GSTM4: variants seen among roughly 807,000 people sequenced by gnomAD.
GSTM4 encodes the protein glutathione S-transferase mu 4.
In GSTM4, 27 loss-of-function variants were observed where a neutral mutation model predicts 30.1. The observed-to-expected ratio is 0.90, with a 90% CI of 0.66 to 1.24. The LOEUF is 1.24. Ranked by LOEUF, GSTM4 falls within the 50% of genes most tolerant of loss-of-function variation. The pLI is 0.00. For missense variants in GSTM4, 238 were observed against 272.1 expected (o/e 0.87, Z 0.88); for synonymous variants, 94 against 96.2 (o/e 0.98, Z 0.13).
chr1:109,661,401 G>T lies in GSTM4; in HGVS notation c.*147G>T. ...CCATCTTTACCCCCAAGACTTTATT[G>T]GGCCTCTTCACTTCCCCTAAACCCC... On this transcript the variant is annotated 3_prime_UTR_variant, in exon 8 of 8. Coordinates refer to ENST00000369836, the MANE Select transcript of GSTM4 (RefSeq NM_000850.5). 1 of 1,519,650 alleles carries T rather than the reference G, an allele frequency of 6.6e-7. No homozygotes were observed. The highest frequency in any genetic ancestry group is 8.8e-7 in the Non-Finnish European group (1 of 1,132,254). The allele number at this position is 1,519,650 out of a possible 1,614,324, so 94.1% of individuals were successfully genotyped here.
At position 109,656,383 on chromosome 1, in the gene GSTM4, C is replaced by T; in HGVS notation, c.-7C>T. ...GCCTGTCTGCAGAATCGACACCAACCAGCATCATGTCCATGACACTGGGGT... is the reference window on the plus strand; with the variant it reads ...GCCTGTCTGCAGAATCGACACCAACTAGCATCATGTCCATGACACTGGGGT... On this transcript the variant is annotated 5_prime_UTR_variant, in exon 1 of 8. Coordinates refer to ENST00000369836, the MANE Select transcript of GSTM4 (RefSeq NM_000850.5). The T allele has an allele frequency of 2.5e-6, 4 of 1,613,840 alleles. No homozygotes were observed. Among genetic ancestry groups the T allele is most frequent in the Non-Finnish European group, 3.4e-6 (4 of 1,179,776 alleles).
downstream of GSTM4, among the ~76,000 whole-genome samples, chr1:109,666,384 G>A (rs1485778938): frequency 2.6e-5 from 4 of 152,346 alleles, no homozygotes; most frequent in Non-Finnish European, 5.9e-5. Context: ...ACCCACTCTG[G>A]TGCTGGGCTC....
chr1:109,658,524 C>T (rs1570617856), intron 5 of GSTM4: 1 of 423,030 alleles, frequency 2.4e-6, no homozygotes, highest in East Asian at 4.2e-5. Flanking sequence ...CCAGAGCCTG[C>T]CAGGTACTCA....
rs17081030 is a variant in GSTM4 at position 109,657,641 on chromosome 1, C to A, written c.229C>A (p.Leu77Met). ...CAAGATCACCCAGAGCAACGCCATC[C>A]TGTGCTACATTGCCCGCAAGCACAA... The part of the protein sequence containing the change: ...AHKITQSNAI[L>M]CYIARKHNLC... The change falls in exon 4 of 8, where the codon CTG becomes ATG. Residue 77 changes from leucine to methionine, a missense_variant. Transcript: ENST00000369836. 1 of 1,614,224 alleles carries A rather than the reference C, an allele frequency of 6.2e-7. No homozygotes were observed. The highest frequency in any genetic ancestry group is 1.3e-5 in the African/African-American group (1 of 75,048).
intron 1 of GSTM4, 72 bp downstream of exon 1, chr1:109,656,497 C>G: frequency 6.5e-7 from 1 of 1,540,956 alleles, no homozygotes; most frequent in South Asian, 1.1e-5. Context: ...GGGACCGGCT[C>G]TAGGGACGGT....
chr1:109,656,235 C>G lies in GSTM4; in HGVS notation c.-155C>G. The G allele has an allele frequency of 3.9e-6, 3 of 764,394 alleles. No individual in the cohort carries two copies. Among genetic ancestry groups the G allele is most frequent in the Admixed American group, 2.0e-5 (1 of 50,178 alleles). 47.4% of individuals were successfully genotyped at this position (764,394 alleles called of 1,614,324 possible). ...GGAAGTGACGACCTTGAAGATCGGC[C>G]GGTTGGAAGTGACGACCTTGAAGAT... On this transcript the variant is annotated 5_prime_UTR_variant, in exon 1 of 8. Transcript: ENST00000369836.
At chr1:109,656,601 GGT>G in intron 1 of GSTM4, 109 bp from the exon 2 acceptor site, 7 of 720,702 alleles carry the variant, frequency 9.7e-6, no homozygotes, top group East Asian at 3.1e-5. Context: ...CGTGCGCCGG[GGT>G]GGGGGGGGGG....
At position 109,656,768 on chromosome 1, in the gene GSTM4, G is replaced by T; in HGVS notation, c.93G>T (p.Lys31Asn). 2 of 1,614,068 alleles carry T rather than the reference G, an allele frequency of 1.2e-6. No individual in the cohort carries two copies. The highest frequency in any genetic ancestry group is 1.3e-5 in the African/African-American group (1 of 75,022). Residue 31 changes from lysine (K) to asparagine (N), a missense_variant, in exon 2 of 8, where the codon AAG (lysine) becomes AAT (asparagine). By Grantham distance (94) the Lys-to-Asn change is moderately conservative (BLOSUM62 0). Transcript: ENST00000369836. ...ACACAGACTCAAGCTACGAGGAAAA[G>T]AAGTATACGATGGGGGACGGTAATG... ...LEYTDSSYEE[K>N]KYTMGDAPDY...
chr1:109,663,721 C>T (rs1652380503), downstream of GSTM4, among the ~76,000 whole-genome samples: 1 of 152,120 alleles, frequency 6.6e-6, no homozygotes, highest in Admixed American at 6.6e-5. Flanking sequence ...GTGTATTACA[C>T]TTCAATGAAA....
chr1:109,657,210 G>C lies in GSTM4; in HGVS notation c.113-5G>C, dbSNP rs527878414. On this transcript the variant is annotated splice_polypyrimidine_tract_variant and splice_region_variant and intron_variant, in intron 2 of 7. Transcript: ENST00000369836. The stretch of plus-strand genomic sequence containing the variant: ...TTTGTTTTCACTTCTTCTTCCCCAC[G>C]GCAGCTCCTGACTATGACAGAAGCC... 28 of 1,612,406 alleles carry C rather than the reference G, an allele frequency of 1.7e-5. No individual in the cohort carries two copies. Among genetic ancestry groups the C allele is most frequent in the South Asian group, 6.6e-5 (6 of 91,004 alleles).
At position 109,660,784 on chromosome 1, in the gene GSTM4, C is replaced by A. The variant is rs1158126536; in HGVS notation, c.568-381C>A. 7 of 262,098 alleles carry A rather than the reference C, an allele frequency of 2.7e-5. No individual in the cohort carries two copies. The Admixed American group carries it at 2.9e-4, about 11-fold the overall frequency. 16.2% of individuals were successfully genotyped at this position (262,098 alleles called of 1,614,324 possible). On this transcript the variant is annotated intron_variant, in intron 7 of 7. Transcript: ENST00000369836. ...CAGTCTACGTTGCAGCTCTGTCCCCCTTAGTAGCTATTTGAGTGTGAGGAA... is the reference window on the plus strand; with the variant it reads ...CAGTCTACGTTGCAGCTCTGTCCCCATTAGTAGCTATTTGAGTGTGAGGAA...
intron 7 of GSTM4, chr1:109,659,724 T>A (rs980156004): frequency 9.6e-5 from 40 of 417,280 alleles, no homozygotes; most frequent in African/African-American, 7.1e-4. Context: ...AAGGAGTGTA[T>A]GTTGAAGTGC....
intron 7 of GSTM4, chr1:109,659,753 C>G: frequency 2.1e-6 from 1 of 470,484 alleles, no homozygotes; most frequent in Non-Finnish European, 4.1e-6. Flanking sequence ...GGGGCACTCT[C>G]CTTCTTTATC....
At chr1:109,667,237 G>A (rs1647359904), downstream of GSTM4, among the ~76,000 whole-genome samples, 1 of 150,702 alleles carries the variant, frequency 6.6e-6, no homozygotes, top group African/African-American at 2.4e-5. Flanking sequence ...ATGTAGTTAA[G>A]GTAAGTCCTT....
chr1:109,663,439 G>A (rs1486107062), downstream of GSTM4, among the ~76,000 whole-genome samples: 8 of 152,144 alleles, frequency 5.3e-5, no homozygotes, highest in East Asian at 1.9e-4. Context: ...AGGCCGAGGC[G>A]TGTGGATCAT....
intron 7 of GSTM4, 109 bp downstream of exon 7, chr1:109,659,219 G>T (rs772313324): frequency 6.2e-7 from 1 of 1,613,846 alleles, no homozygotes; most frequent in East Asian, 2.2e-5. Context: ...TTTATTGAGT[G>T]CTGGCTTCAT....
chr1:109,657,819 C>T lies in GSTM4; in HGVS notation c.307C>T (p.Gln103Ter). The T allele has an allele frequency of 6.2e-7, 1 of 1,614,152 alleles. No individual in the cohort carries two copies. The highest frequency in any genetic ancestry group is 8.5e-7 in the Non-Finnish European group (1 of 1,180,010). The part of the protein sequence containing the change: ...EKIRVDILEN[Q>*]AMDVSNQLAR... ...GATTCGTGTGGACATTTTGGAGAAC[C>T]AGGCTATGGACGTCTCCAATCAGCT... is the stretch of plus-strand genomic sequence containing the variant. Residue 103 changes from glutamine to a stop codon, truncating the protein, a stop_gained, in exon 5 of 8, where the codon CAG becomes TAG. Coordinates refer to ENST00000369836, the MANE Select transcript of GSTM4 (RefSeq NM_000850.5). LOFTEE classifies it high-confidence loss of function.
intron 6 of GSTM4, 34 bp from the exon 7 acceptor site, chr1:109,658,966 A>G: frequency 3.7e-6 from 6 of 1,613,352 alleles, no homozygotes; most frequent in Non-Finnish European, 5.1e-6. Context: ...TACGTTACAG[A>G]GATTCCAGCC....
chr1:109,665,596 C>A (rs557108071), downstream of GSTM4: 5 of 152,734 alleles, frequency 3.3e-5, no homozygotes, highest in African/African-American at 1.2e-4. Context: ...AAAACACACA[C>A]ACACACAAAA....
Sources: allele counts gnomAD v4.1 joint callset (sites outside exome capture counted in the v4.1 genomes callset), GRCh38; gene constraint gnomAD v4.1.1; transcripts MANE v1.5; gene names NCBI Gene and HGNC (gene_info 2026-07-23, HGNC 2026-07-21).